ABCB1: variants seen among roughly 807,000 people sequenced by gnomAD.
ABCB1 encodes ATP-dependent translocase ABCB1.
In ABCB1, 69 loss-of-function variants were observed where a neutral mutation model predicts 142.0. The observed-to-expected ratio is 0.49, with a 90% CI of 0.40 to 0.59. The LOEUF (loss-of-function observed/expected upper bound fraction) is 0.59, where lower values mean the gene tolerates loss of function less well. Among genes scored for constraint, ABCB1 ranks in the 20% least tolerant of loss-of-function variants. The pLI, the probability that ABCB1 is intolerant of heterozygous loss-of-function variation, is 0.00. For missense variants in ABCB1, 1,326 were observed against 1,554.7 expected (o/e 0.85, Z 2.47); for synonymous variants, 532 against 539.2 (o/e 0.99, Z 0.18).
intron 1 of ABCB1, among the ~76,000 whole-genome samples, chr7:87,677,560 G>C (rs1826501510): frequency 6.6e-6 from 1 of 152,092 alleles, no homozygotes; most frequent in East Asian, 1.9e-4. Context: ...AAGGGTACAA[G>C]CCTTCAGTTA....
At chr7:87,641,770 G>A (rs1009391770) in intron 1 of ABCB1, among the ~76,000 whole-genome samples, 2 of 152,162 alleles carry the variant, frequency 1.3e-5, no homozygotes, top group African/African-American at 4.8e-5. Context: ...TTTTAGCTAA[G>A]TAAAATGATT....
intron 1 of ABCB1, among the ~76,000 whole-genome samples, chr7:87,636,803 T>C (rs1394692240): frequency 6.6e-6 from 1 of 152,198 alleles, no homozygotes; most frequent in Non-Finnish European, 1.5e-5. Context: ...AAGACCATTG[T>C]ATTAGTCTGT....
At position 87,541,442 on chromosome 7, in the gene ABCB1, G is replaced by A. The variant is rs1584861968; in HGVS notation, c.2234C>T (p.Pro745Leu). The A allele has an allele frequency of 6.2e-7, 1 of 1,607,762 alleles. No individual in the cohort carries two copies. ...GTTACTATTCTGTCGTTTTGTTTCA[G>A]GATCATCAATTCTTGTAAAAACCTG... ...IIGVFTRIDD[P>L]ETKRQNSNLF... Residue 745 changes from proline to leucine, a missense_variant, in exon 18 of 28, where the codon CCT becomes CTT. By Grantham distance (98) the Pro-to-Leu change is moderately conservative (BLOSUM62 -3). Transcript: ENST00000622132.
intron 25 of ABCB1, among the ~76,000 whole-genome samples, chr7:87,512,237 C>G (rs1383733042): frequency 6.6e-6 from 1 of 151,438 alleles, no homozygotes. Context: ...GTATAACCTT[C>G]AGGTCCCTCA....
chr7:87,549,563 C>A, intron 13 of ABCB1, 45 bp from the exon 14 acceptor site: 1 of 1,613,690 alleles, frequency 6.2e-7, no homozygotes, highest in Non-Finnish European at 8.5e-7. Flanking sequence ...GACAAGCTAT[C>A]TCAGCTCATA....
chr7:87,514,533 C>G (rs933519473), intron 25 of ABCB1, among the ~76,000 whole-genome samples: 1 of 152,114 alleles, frequency 6.6e-6, no homozygotes, highest in Non-Finnish European at 1.5e-5. Flanking sequence ...TTTCAATGCC[C>G]TCTCTCCATC....
At chr7:87,632,896 G>A (rs532454757) in intron 1 of ABCB1, among the ~76,000 whole-genome samples, 3 of 152,112 alleles carry the variant, frequency 2.0e-5, no homozygotes, top group African/African-American at 7.2e-5. Flanking sequence ...ATACTTTTAA[G>A]AGAAACTTCC....
rs570921985 is a variant in ABCB1 at position 87,632,132 on chromosome 7, A to C, written c.-330-31054T>G. On this transcript the variant is annotated intron_variant, in intron 1 of 28. Transcript: ENST00000265724. ...AAAACCAAAAAAAAAAAAAGTCACC[A>C]GCATATATCATTCTAGTGTATCCAC... is the stretch of plus-strand genomic sequence containing the variant. 3.6e-3 allele frequency among the ~76,000 whole-genome samples: 542 copies of C among 151,432 alleles called. 5 individuals are homozygous for C. The highest frequency in any genetic ancestry group is 5.1e-3 in the Admixed American group (77 of 15,198).
chr7:87,579,656 T>A (rs1278003405), intron 4 of ABCB1, among the ~76,000 whole-genome samples: 1 of 152,184 alleles, frequency 6.6e-6, no homozygotes, highest in East Asian at 1.9e-4. Flanking sequence ...AGATTCAATG[T>A]TATTATTGAT....
intron 21 of ABCB1, chr7:87,522,302 A>G: frequency 1.3e-6 from 1 of 777,132 alleles, no homozygotes; most frequent in Non-Finnish European, 2.3e-6. Flanking sequence ...CTTTGGAGGC[A>G]GAAGCTCTGG....
chr7:87,700,042 T>C (rs1186835848), intron 1 of ABCB1, among the ~76,000 whole-genome samples: 1 of 152,122 alleles, frequency 6.6e-6, no homozygotes, highest in Non-Finnish European at 1.5e-5. Flanking sequence ...GGTTTAGAAT[T>C]CAATTGGTGA....
intron 1 of ABCB1, among the ~76,000 whole-genome samples, chr7:87,642,193 A>G (rs1413790995): frequency 6.6e-6 from 1 of 152,052 alleles, no homozygotes; most frequent in Non-Finnish European, 1.5e-5. Flanking sequence ...ATATATATAT[A>G]TTTTTAAAAC....
upstream of ABCB1, chr7:87,603,210 G>C (rs529207491): frequency 6.6e-6 from 1 of 152,164 alleles, no homozygotes; most frequent in East Asian, 1.9e-4. Flanking sequence ...CATTTATCAG[G>C]AACTGCCAAG....
intron 1 of ABCB1, among the ~76,000 whole-genome samples, chr7:87,707,679 AAAATAAAATAAAT>A (rs1257910834): frequency 6.6e-6 from 1 of 152,158 alleles, no homozygotes; most frequent in East Asian, 1.9e-4. Context: ...GTCATAAAAT[AAAATAAAATAAAT>A]AAATAAAATA....
At chr7:87,625,246 G>A (rs1455285467) in intron 1 of ABCB1, among the ~76,000 whole-genome samples, 2 of 150,980 alleles carry the variant, frequency 1.3e-5, no homozygotes, top group Non-Finnish European at 2.9e-5. Context: ...GACTGAGCGA[G>A]ACTGCGTCTC....
intron 1 of ABCB1, among the ~76,000 whole-genome samples, chr7:87,639,387 A>T (rs1249661496): frequency 6.6e-6 from 1 of 152,084 alleles, no homozygotes; most frequent in Non-Finnish European, 1.5e-5. Flanking sequence ...TGATTGCATG[A>T]TTTATATATG....
intron 23 of ABCB1, among the ~76,000 whole-genome samples, chr7:87,517,106 C>CA (rs1294664720): frequency 3.9e-5 from 6 of 152,068 alleles, no homozygotes; most frequent in Non-Finnish European, 7.3e-5. Flanking sequence ...AAAAATAAAA[C>CA]AAACACATTT....
intron 5 of ABCB1, among the ~76,000 whole-genome samples, chr7:87,568,500 A>G (rs1331305050): frequency 6.6e-6 from 1 of 152,114 alleles, no homozygotes; most frequent in Non-Finnish European, 1.5e-5. Context: ...AAAATACAGT[A>G]TTCCAATATT....
chr7:87,711,191 T>C (rs922662757), intron 1 of ABCB1, among the ~76,000 whole-genome samples: 2 of 151,952 alleles, frequency 1.3e-5, no homozygotes, highest in African/African-American at 4.8e-5. Flanking sequence ...CCAGGCATGG[T>C]GGTGCATGCC....
Sources: gnomAD v4.1 joint callset for allele counts (sites outside exome capture counted in the v4.1 genomes callset) on GRCh38, gnomAD v4.1.1 for gene constraint, MANE v1.5 for transcripts, NCBI Gene and HGNC (gene_info 2026-07-23, HGNC 2026-07-21) for gene names.